CDKL3: variants seen among roughly 807,000 people sequenced by gnomAD.
CDKL3 encodes the protein cyclin-dependent kinase-like 3.
Under a neutral mutation model 69.3 loss-of-function variants are expected in CDKL3, and 65 were observed. That is an observed-to-expected ratio of 0.94 (90% CI 0.77 to 1.15). The LOEUF is 1.15. Ranked by LOEUF, CDKL3 falls within the 50% of genes most tolerant of loss-of-function variation. The pLI is 0.00. For missense variants in CDKL3, 652 were observed against 689.2 expected (o/e 0.95, Z 0.61); for synonymous variants, 202 against 221.6 (o/e 0.91, Z 0.79).
downstream of CDKL3, among the ~76,000 whole-genome samples, chr5:134,293,802 CA>C (rs1236089633): frequency 1.3e-5 from 2 of 150,538 alleles, no homozygotes; most frequent in Admixed American, 6.6e-5. Flanking sequence ...CTTGTCTCTA[CA>C]AAAAAAAATT....
chr5:134,362,455 G>T (rs559032694), intron 2 of CDKL3, among the ~76,000 whole-genome samples: 1 of 152,150 alleles, frequency 6.6e-6, no homozygotes, highest in African/African-American at 2.4e-5. Context: ...GGAGGCCGAG[G>T]TTGTGGTGAG....
intron 4 of CDKL3, among the ~76,000 whole-genome samples, chr5:134,328,094 A>T (rs111693239): frequency 6.6e-6 from 1 of 152,180 alleles, no homozygotes; most frequent in African/African-American, 2.4e-5. Context: ...TCAAGTTCCA[A>T]CAAAAATTAC....
chr5:134,369,149 C>T (rs1758057341), upstream of CDKL3, among the ~76,000 whole-genome samples: 1 of 152,178 alleles, frequency 6.6e-6, no homozygotes, highest in Non-Finnish European at 1.5e-5. Context: ...AAAATTATTC[C>T]TTCTACAAGT....
intron 5 of CDKL3, 64 bp from the exon 6 acceptor site, chr5:134,319,561 A>C: frequency 7.6e-7 from 1 of 1,318,114 alleles, no homozygotes; most frequent in Non-Finnish European, 1.0e-6. Flanking sequence ...AAACAATCAA[A>C]TTGCTATGTC....
At chr5:134,361,725 GA>G (rs1756059821) in intron 2 of CDKL3, among the ~76,000 whole-genome samples, 1 of 152,180 alleles carries the variant, frequency 6.6e-6, no homozygotes, top group Non-Finnish European at 1.5e-5. Context: ...TCAACATGGT[GA>G]AACACCGTCT....
downstream of CDKL3, among the ~76,000 whole-genome samples, chr5:134,284,832 G>A (rs1200790872): frequency 6.6e-6 from 1 of 152,164 alleles, no homozygotes; most frequent in Admixed American, 6.5e-5. Flanking sequence ...CAGACCTTAT[G>A]GTTATCTCCC....
intron 4 of CDKL3, among the ~76,000 whole-genome samples, chr5:134,344,954 A>G (rs1480935163): frequency 6.6e-6 from 1 of 151,990 alleles, no homozygotes; most frequent in South Asian, 2.1e-4. Flanking sequence ...AGTCCCAGCT[A>G]CTCAGGAGGC....
rs527387451 is a variant in CDKL3, at chr5:134,308,457, T to C, written c.1045A>G (p.Lys349Glu). Reference protein sequence around the residue: ...SSSVLGKEIEKEKKPKEIKVR... With the variant: ...SSSVLGKEIEEEKKPKEIKVR... Reference sequence around the variant, plus strand: ...TTGATCTCCTTGGGCTTTTTCTCTTTTTCTATTTCCTGGAATAGATACATC... The same window carrying C: ...TTGATCTCCTTGGGCTTTTTCTCTTCTTCTATTTCCTGGAATAGATACATC... Residue 349 changes from lysine to glutamate, a missense_variant, in exon 9 of 13, where the codon AAA becomes GAA. By Grantham distance (56) the Lys-to-Glu change is moderately conservative. Coordinates refer to ENST00000265334, the MANE Select transcript of CDKL3 (RefSeq NM_001113575.2). 15 of 1,599,930 alleles carry C rather than the reference T, an allele frequency of 9.4e-6. No individual in the cohort carries two copies. The East Asian group carries it at 3.1e-4, about 33-fold the overall frequency.
At chr5:134,369,404 T>A (rs970093783), upstream of CDKL3, among the ~76,000 whole-genome samples, 3 of 152,182 alleles carry the variant, frequency 2.0e-5, no homozygotes, top group Non-Finnish European at 4.4e-5. Context: ...TTTGTATCCA[T>A]TCGTCAGCTC....
At chr5:134,319,893 T>A (rs1488447476) in intron 5 of CDKL3, among the ~76,000 whole-genome samples, 1 of 152,134 alleles carries the variant, frequency 6.6e-6, no homozygotes, top group Non-Finnish European at 1.5e-5. Context: ...AGCTAAAATA[T>A]TAAAGGTATG....
At chr5:134,351,645 G>T (rs1011693334) in intron 3 of CDKL3, among the ~76,000 whole-genome samples, 27 of 152,178 alleles carry the variant, frequency 1.8e-4, no homozygotes, top group African/African-American at 6.3e-4. Context: ...TTTTTTTGTA[G>T]AGACAGGGTC....
chr5:134,363,857 C>G (rs1756670877), intron 2 of CDKL3, among the ~76,000 whole-genome samples: 1 of 151,224 alleles, frequency 6.6e-6, no homozygotes, highest in Non-Finnish European at 1.5e-5. Context: ...TTTCACAGGT[C>G]CAAGACAGGA....
chr5:134,298,425 A>T lies in CDKL3; in HGVS notation c.*226T>A. The T allele has an allele frequency of 7.6e-7, 1 of 1,314,096 alleles. No individual in the cohort carries two copies. The highest frequency in any genetic ancestry group is 9.7e-7 in the Non-Finnish European group (1 of 1,035,176). The allele number at this position is 1,314,096 out of a possible 1,614,324, so 81.4% of individuals were successfully genotyped here. A position where few individuals can be genotyped will look rare whatever the true frequency, so the allele number is the denominator to read the frequency against. Reference sequence around the variant, plus strand: ...AGTAATCATGGCAAAAAAAAGAAGTAGGCAGAGAAGAGATGACTTTATAAT... The same window carrying T: ...AGTAATCATGGCAAAAAAAAGAAGTTGGCAGAGAAGAGATGACTTTATAAT... On this transcript the variant is annotated 3_prime_UTR_variant, in exon 13 of 13. Coordinates refer to ENST00000265334, the MANE Select transcript of CDKL3 (RefSeq NM_001113575.2).
chr5:134,339,978 C>G (rs779298443), intron 4 of CDKL3, among the ~76,000 whole-genome samples: 8 of 151,800 alleles, frequency 5.3e-5, no homozygotes, highest in Non-Finnish European at 1.2e-4. Context: ...ACAGTGAGAC[C>G]TCGTCTCTGC....
chr5:134,329,388 T>C (rs987780829), intron 4 of CDKL3, among the ~76,000 whole-genome samples: 19 of 152,058 alleles, frequency 1.2e-4, no homozygotes, highest in African/African-American at 4.3e-4. Flanking sequence ...GTAAAGGTAA[T>C]TATGTAATTA....
chr5:134,302,224 G>A (rs1048372028), intron 12 of CDKL3: 14 of 457,396 alleles, frequency 3.1e-5, no homozygotes, highest in Admixed American at 2.8e-4. Flanking sequence ...GAGAGAAAAC[G>A]AAGGAAGGAA....
chr5:134,286,536 T>G (rs1287343035), exon 9 of CDKL3: 1 of 155,142 alleles, frequency 6.4e-6, no homozygotes, highest in African/African-American at 2.4e-5. Flanking sequence ...TTGGTCTGTC[T>G]TCATGCCGCT....
At chr5:134,299,654 A>C in intron 12 of CDKL3, 1 of 1,518,222 alleles carries the variant, frequency 6.6e-7, no homozygotes, top group Non-Finnish European at 8.8e-7. Context: ...AAAAAACCAT[A>C]CAGTGATTCT....
chr5:134,308,156 A>G lies in CDKL3; in HGVS notation c.1346T>C (p.Leu449Pro). 1 of 1,612,478 alleles carries G rather than the reference A, an allele frequency of 6.2e-7. No homozygotes were observed. Among genetic ancestry groups the G allele is most frequent in the Non-Finnish European group, 8.5e-7 (1 of 1,178,952 alleles). The change falls in exon 9 of 13, where the codon CTC becomes CCC. Residue 449 changes from leucine to proline, a missense_variant. Coordinates refer to ENST00000265334, the MANE Select transcript of CDKL3 (RefSeq NM_001113575.2). Reference protein sequence around the residue: ...NLMAANLSSNLFHPSVRLTER... With the variant: ...NLMAANLSSNPFHPSVRLTER... The stretch of plus-strand genomic sequence containing the variant: ...AGCTCACCTCACACTGGGGTGAAAG[A>G]GATTTGAACTGAGATTTGCAGCCAT...
Sources: gnomAD v4.1 joint callset for allele counts (sites outside exome capture counted in the v4.1 genomes callset) on GRCh38, gnomAD v4.1.1 for gene constraint, MANE v1.5 for transcripts, NCBI Gene and HGNC (gene_info 2026-07-23, HGNC 2026-07-21) for gene names.